The following SMAD3 variants were observed in gnomAD, a reference collection of about 807,000 sequenced individuals.
SMAD3 encodes the protein MAD homolog 3.
Under a neutral mutation model 51.8 loss-of-function variants are expected in SMAD3, and 12 were observed. The observed-to-expected ratio is 0.23, with a 90% confidence interval of 0.15 to 0.38. SMAD3 has a LOEUF of 0.38. SMAD3 is among the 10% of genes least tolerant of loss of function. The pLI, the probability that SMAD3 is intolerant of heterozygous loss-of-function variation, is 1.00. For missense variants in SMAD3, 294 were observed against 565.6 expected, an observed-to-expected ratio of 0.52 and a Z score of 4.87; for synonymous variants, 238 against 227.7, an observed-to-expected ratio of 1.05 and a Z score of -0.41.
Position 67,065,605 on chromosome 15 carries a change from A to G in SMAD3, c.-550A>G, listed in dbSNP as rs569945519. On this transcript the variant is annotated 5_prime_UTR_variant, in exon 1 of 9. Transcript: ENST00000327367. ...GAGGCTGCACGCGGATTTGCATGAA[A>G]CACAGACTGGGAGCGGGCGGGAGCG... Among the ~76,000 whole-genome samples the G allele has an allele frequency of 6.7e-6, 1 of 149,134 alleles. No homozygotes were observed.
intron 4 of SMAD3, 128 bp downstream of exon 4, chr15:67,166,981 A>G (rs1962610062): frequency 1.3e-6 from 1 of 791,282 alleles, no homozygotes; most frequent in Non-Finnish European, 2.2e-6. Context: ...TTGTAGAGCA[A>G]CCGCGATGTG....
chr15:67,084,070 C>CTTTTT (rs56675753), intron 1 of SMAD3, among the ~76,000 whole-genome samples: 41 of 85,052 alleles, frequency 4.8e-4, no homozygotes, highest in South Asian at 1.2e-3. Context: ...CTTTTTTTTT[C>CTTTTT]TTTTTTTTTT....
chr15:67,077,018 G>C (rs1268707229), intron 1 of SMAD3, among the ~76,000 whole-genome samples: 1 of 152,128 alleles, frequency 6.6e-6, no homozygotes, highest in Non-Finnish European at 1.5e-5. Flanking sequence ...TCTTGGGCTG[G>C]GTCTCTCTGA....
intron 1 of SMAD3, among the ~76,000 whole-genome samples, chr15:67,161,709 G>A (rs1017945199): frequency 3.9e-5 from 6 of 152,316 alleles, no homozygotes; most frequent in Admixed American, 3.9e-4. Flanking sequence ...GGTTTGGGGA[G>A]TATCTGCTGT....
chr15:67,117,921 G>A (rs541298588), intron 1 of SMAD3, among the ~76,000 whole-genome samples: 5 of 152,164 alleles, frequency 3.3e-5, no homozygotes, highest in Admixed American at 2.6e-4. Flanking sequence ...GCAAAACCCC[G>A]TCTCTGCCCA....
At chr15:67,088,496 A>G (rs567870746) in intron 1 of SMAD3, among the ~76,000 whole-genome samples, 1 of 152,338 alleles carries the variant, frequency 6.6e-6, no homozygotes, top group African/African-American at 2.4e-5. Context: ...AAAGCTGCCC[A>G]GGGCCCAAGC....
At chr15:67,190,280 C>A (rs913499372) in intron 8 of SMAD3, 133 bp from the exon 9 acceptor site, 2 of 806,228 alleles carry the variant, frequency 2.5e-6, no homozygotes, top group Non-Finnish European at 4.1e-6. Context: ...TTACTGGTAC[C>A]GCTTCTAGGA....
chr15:67,153,728 CAGCCCCCT>C (rs1962209606), intron 1 of SMAD3, among the ~76,000 whole-genome samples: 1 of 152,178 alleles, frequency 6.6e-6, no homozygotes, highest in East Asian at 1.9e-4. Context: ...CTACACAGGA[CAGCCCCCT>C]AGCCCCAACA....
chr15:67,150,845 G>GTTTTTT (rs1342434861), intron 1 of SMAD3, among the ~76,000 whole-genome samples: 69 of 14,340 alleles, frequency 4.8e-3, no homozygotes, highest in Non-Finnish European at 8.3e-3. Flanking sequence ...CTATTTCTCA[G>GTTTTTT]TCTTTTTTTT....
chr15:67,135,317 C>T (rs537966313), intron 1 of SMAD3, among the ~76,000 whole-genome samples: 22 of 152,310 alleles, frequency 1.4e-4, no homozygotes, highest in African/African-American at 3.6e-4. Context: ...GGGCAGCCCC[C>T]GGGCCCAGCC....
chr15:67,161,064 TC>T (rs1369173449), intron 1 of SMAD3, among the ~76,000 whole-genome samples: 1 of 152,180 alleles, frequency 6.6e-6, no homozygotes, highest in Non-Finnish European at 1.5e-5. Context: ...CCTGTTTTCT[TC>T]TAGACATTTT....
intron 5 of SMAD3, among the ~76,000 whole-genome samples, chr15:67,171,213 T>G (rs1254875007): frequency 6.6e-6 from 1 of 152,216 alleles, no homozygotes; most frequent in Non-Finnish European, 1.5e-5. Context: ...TTCTCTTTTC[T>G]CCTTATGTTA....
chr15:67,176,103 G>C (rs1343595791), intron 5 of SMAD3, among the ~76,000 whole-genome samples: 2 of 152,154 alleles, frequency 1.3e-5, no homozygotes, highest in Admixed American at 1.3e-4. Context: ...ATTTTAGTCC[G>C]CAGATACATA....
At position 67,114,495 on chromosome 15, in the gene SMAD3, C is replaced by G. The variant is rs139037942; in HGVS notation, c.206+48135C>G. Among the ~76,000 whole-genome samples, 531 of 152,278 alleles carry G rather than the reference C, an allele frequency of 3.5e-3. 3 individuals are homozygous for G. Among genetic ancestry groups the G allele is most frequent in the African/African-American group, 0.012 (515 of 41,566 alleles). On this transcript the variant is annotated intron_variant, in intron 1 of 8. Coordinates refer to ENST00000327367, the MANE Select transcript of SMAD3 (RefSeq NM_005902.4). ...TCCCACACCCAATAAAGGGCTTTAC[C>G]ATTTTTCAGTAGCATCCTTTCTTAA...
chr15:67,127,020 G>A (rs1015430427), intron 1 of SMAD3, among the ~76,000 whole-genome samples: 5 of 152,160 alleles, frequency 3.3e-5, no homozygotes, highest in Admixed American at 6.5e-5. Context: ...TAGGGTCATC[G>A]TGGTGGTCAG....
chr15:67,183,293 C>T (rs1963136227), intron 6 of SMAD3, among the ~76,000 whole-genome samples: 1 of 151,914 alleles, frequency 6.6e-6, no homozygotes, highest in South Asian at 2.1e-4. Flanking sequence ...ATCTGCCCGC[C>T]TCAGCCTCCC....
At chr15:67,147,112 C>A (rs1202788376) in intron 1 of SMAD3, among the ~76,000 whole-genome samples, 1 of 152,164 alleles carries the variant, frequency 6.6e-6, no homozygotes, top group Non-Finnish European at 1.5e-5. Context: ...TCCATTGTTA[C>A]CAAACAATCC....
chr15:67,142,617 A>G (rs1242381731), intron 1 of SMAD3: 2 of 272,710 alleles, frequency 7.3e-6, no homozygotes, highest in Non-Finnish European at 1.5e-5. Context: ...AGGCTTCTGG[A>G]TAGACAGAGA....
In SMAD3 at chr15:67,181,350, T is replaced by C. The variant is rs1192907789; in HGVS notation, c.768T>C (p.Thr256=). The change falls in exon 6 of 9, where the codon ACT becomes ACC. Residue 256 remains threonine (T), a synonymous_variant. Transcript: ENST00000327367. ...ETFHASQPSM[T]VDGFTDPSNS... ...TCCACGCCTCGCAGCCATCCATGAC[T>C]GTGGATGGCTTCACCGACCCCTCCA... The C allele has an allele frequency of 6.2e-7, 1 of 1,613,640 alleles. No homozygotes were observed. The highest frequency in any genetic ancestry group is 8.5e-7 in the Non-Finnish European group (1 of 1,179,612).
Sources: gnomAD v4.1 joint callset for allele counts (sites outside exome capture counted in the v4.1 genomes callset) on GRCh38, gnomAD v4.1.1 for gene constraint, MANE v1.5 for transcripts, NCBI Gene and HGNC (gene_info 2026-07-23, HGNC 2026-07-21) for gene names.